The following SSBP2 variants were observed in gnomAD, a reference collection of about 807,000 sequenced individuals.
SSBP2 encodes single-stranded DNA-binding protein 2.
Under a neutral mutation model 61.8 loss-of-function variants are expected in SSBP2, and 17 were observed. The observed-to-expected ratio is 0.28, with a 90% CI of 0.19 to 0.41. The LOEUF is 0.41. SSBP2 is among the 10% of genes least tolerant of loss of function. The probability of loss-of-function intolerance (pLI) is 1.00; values close to 1 mark genes in which losing one functional copy is unlikely to be tolerated. For synonymous variants in SSBP2, 139 were observed against 141.3 expected (o/e 0.98, Z 0.12); for missense variants, 310 against 458.7 (o/e 0.68, Z 2.96).
At chr5:81,456,659 G>T (rs1382268557) in intron 10 of SSBP2, among the ~76,000 whole-genome samples, 1 of 152,004 alleles carries the variant, frequency 6.6e-6, no homozygotes, top group South Asian at 2.1e-4. Flanking sequence ...AAGAATCTGA[G>T]ACCAATACTG....
At chr5:81,564,563 A>G (rs1426324555) in intron 4 of SSBP2, among the ~76,000 whole-genome samples, 1 of 152,256 alleles carries the variant, frequency 6.6e-6, no homozygotes, top group African/African-American at 2.4e-5. Context: ...TGATTAGTCC[A>G]GAAGAAGTAT....
intron 15 of SSBP2, among the ~76,000 whole-genome samples, chr5:81,432,531 T>C (rs569438511): frequency 3.5e-4 from 54 of 152,204 alleles, no homozygotes; most frequent in African/African-American, 1.3e-3. Context: ...CAGATCACGA[T>C]GTCAGGAGTT....
chr5:81,707,753 C>T (rs1487976681), intron 1 of SSBP2, among the ~76,000 whole-genome samples: 1 of 152,150 alleles, frequency 6.6e-6, no homozygotes, highest in Non-Finnish European at 1.5e-5. Context: ...AGATTCTAGG[C>T]TTTAAACTCA....
intron 1 of SSBP2, among the ~76,000 whole-genome samples, chr5:81,734,844 AC>A (rs1397585011): frequency 6.6e-6 from 1 of 151,846 alleles, no homozygotes; most frequent in Non-Finnish European, 1.5e-5. Flanking sequence ...GGAGGTGGGC[AC>A]CTGTAGTCCC....
chr5:81,665,920 T>A (rs555817972), intron 1 of SSBP2, among the ~76,000 whole-genome samples: 2 of 152,316 alleles, frequency 1.3e-5, no homozygotes, highest in South Asian at 4.1e-4. Context: ...ATGCCAATAG[T>A]TAGCTGGATC....
At chr5:81,523,780 C>T (rs1769687859) in intron 4 of SSBP2, among the ~76,000 whole-genome samples, 1 of 151,934 alleles carries the variant, frequency 6.6e-6, no homozygotes, top group Non-Finnish European at 1.5e-5. Context: ...TAAATATACT[C>T]CCTACCGCCA....
intron 1 of SSBP2, among the ~76,000 whole-genome samples, chr5:81,658,492 T>A (rs1369639637): frequency 6.6e-6 from 1 of 152,188 alleles, no homozygotes; most frequent in East Asian, 1.9e-4. Flanking sequence ...TGTTAAATCA[T>A]CTCTAGATTA....
intron 2 of SSBP2, among the ~76,000 whole-genome samples, chr5:81,647,956 G>A (rs546648206): frequency 1.3e-5 from 2 of 152,108 alleles, no homozygotes; most frequent in South Asian, 4.1e-4. Context: ...CTTTTTTGAT[G>A]AGGTTTAATA....
intron 1 of SSBP2, among the ~76,000 whole-genome samples, chr5:81,750,498 C>G (rs980516769): frequency 7.5e-5 from 11 of 146,524 alleles, no homozygotes; most frequent in African/African-American, 2.0e-4. Context: ...AGGCCCCCGC[C>G]GCCGCGCTCC....
intron 1 of SSBP2, among the ~76,000 whole-genome samples, chr5:81,711,331 A>G (rs1754762624): frequency 6.6e-6 from 1 of 152,124 alleles, no homozygotes; most frequent in African/African-American, 2.4e-5. Flanking sequence ...TTCCAAATAT[A>G]CCAAAATATA....
intron 1 of SSBP2, among the ~76,000 whole-genome samples, chr5:81,660,360 T>C (rs1750583975): frequency 6.6e-6 from 1 of 152,120 alleles, no homozygotes; most frequent in Admixed American, 6.5e-5. Flanking sequence ...GCAAAGTATA[T>C]GAACAGACCC....
intron 5 of SSBP2, among the ~76,000 whole-genome samples, chr5:81,510,760 C>CAA (rs376717678): frequency 2.2e-3 from 305 of 140,582 alleles, no homozygotes; most frequent in African/African-American, 6.7e-3. Flanking sequence ...AACTCCATCT[C>CAA]AAAAAAAAAA....
intron 4 of SSBP2, among the ~76,000 whole-genome samples, chr5:81,613,157 A>T (rs1745623083): frequency 6.6e-6 from 1 of 152,170 alleles, no homozygotes; most frequent in Non-Finnish European, 1.5e-5. Context: ...ATGTAATAAA[A>T]ATGGCATCCA....
At chr5:81,627,358 C>T (rs752155617) in intron 3 of SSBP2, among the ~76,000 whole-genome samples, 7 of 152,094 alleles carry the variant, frequency 4.6e-5, no homozygotes, top group African/African-American at 1.4e-4. Context: ...CTTCTAGCCC[C>T]GTTGTCACCT....
intron 4 of SSBP2, among the ~76,000 whole-genome samples, chr5:81,544,721 A>T (rs1246619081): frequency 6.6e-6 from 1 of 152,208 alleles, no homozygotes; most frequent in African/African-American, 2.4e-5. Flanking sequence ...GTGAACAAAG[A>T]AAGGAATATG....
At position 81,590,777 on chromosome 5, in the gene SSBP2, G is replaced by A. The variant is rs1775437574; in HGVS notation, c.282+24696C>T. ...AAGAAACCTGAAACCACTAAAGGAA[G>A]AGCAAAAAGCCTCGTAGCTCTAAAG... On this transcript the variant is annotated intron_variant, in intron 4 of 16. Coordinates refer to ENST00000320672, the MANE Select transcript of SSBP2 (RefSeq NM_012446.5). 2.0e-5 allele frequency among the ~76,000 whole-genome samples: 3 copies of A among 152,304 alleles called. No homozygotes were observed. In the East Asian group the frequency reaches 5.8e-4, roughly 29 times the overall value.
chr5:81,416,740 T>TA lies in SSBP2; in HGVS notation c.*3763dup, dbSNP rs1761324081. On this transcript the variant is annotated 3_prime_UTR_variant, in exon 17 of 17. Transcript: ENST00000320672. ...GAAATGCAATGGAGTTCAGATATCT[T>TA]AGAGAATCATAAAAATAGAAATGGA... 2 of 152,340 alleles carry TA rather than the reference T, an allele frequency of 1.3e-5. No individual in the cohort carries two copies. Among genetic ancestry groups the TA allele is most frequent in the South Asian group, 4.1e-4 (2 of 4,832 alleles). 9.4% of individuals were successfully genotyped at this position (152,340 alleles called of 1,614,324 possible). A position where few individuals can be genotyped will look rare whatever the true frequency, so the allele number is the denominator to read the frequency against.
chr5:81,458,220 T>C (rs1764298189), intron 10 of SSBP2, among the ~76,000 whole-genome samples: 1 of 152,212 alleles, frequency 6.6e-6, no homozygotes, highest in African/African-American at 2.4e-5. Flanking sequence ...TTTCTTTTGT[T>C]TGAAAAGATT....
intron 1 of SSBP2, among the ~76,000 whole-genome samples, chr5:81,728,790 A>G (rs141269216): frequency 5.9e-4 from 90 of 152,378 alleles, no homozygotes; most frequent in African/African-American, 2.0e-3. Flanking sequence ...CAAGCCAATT[A>G]ACAAATTAGT....
Sources: gnomAD v4.1 joint callset for allele counts (sites outside exome capture counted in the v4.1 genomes callset) on GRCh38, gnomAD v4.1.1 for gene constraint, MANE v1.5 for transcripts, NCBI Gene and HGNC (gene_info 2026-07-23, HGNC 2026-07-21) for gene names.